PAIP2B: variants seen among roughly 807,000 people sequenced by gnomAD.
PAIP2B encodes polyadenylate-binding protein-interacting protein 2B.
Under a neutral mutation model 17.0 loss-of-function variants are expected in PAIP2B, and 13 were observed. The observed-to-expected ratio is 0.76, with a 90% confidence interval of 0.50 to 1.22. PAIP2B has a LOEUF of 1.22. PAIP2B is among the 50% of genes most tolerant of loss of function. The pLI, the probability that PAIP2B is intolerant of heterozygous loss-of-function variation, is 0.00. For synonymous variants in PAIP2B, 43 were observed against 48.7 expected (o/e 0.88, Z 0.48); for missense variants, 117 against 144.5 (o/e 0.81, Z 0.98).
Position 71,185,187 on chromosome 2 carries a change from A to G in PAIP2B, c.*3292T>C, listed in dbSNP as rs1674504899. ...TTACTTCCCAGCTTCTCCAAAATCA[A>G]AGCAATAGTAATAAACAATTTGGAA... On this transcript the variant is annotated 3_prime_UTR_variant, in exon 4 of 4. Coordinates refer to ENST00000244221, the MANE Select transcript of PAIP2B (RefSeq NM_020459.1). 1 of 152,266 alleles carries G rather than the reference A, an allele frequency of 6.6e-6. No homozygotes were observed. The highest frequency in any genetic ancestry group is 6.5e-5 in the Admixed American group (1 of 15,300). 9.4% of individuals were successfully genotyped at this position (152,266 alleles called of 1,614,324 possible).
chr2:71,197,592 T>A (rs935042419), intron 2 of PAIP2B, among the ~76,000 whole-genome samples: 4 of 152,212 alleles, frequency 2.6e-5, no homozygotes, highest in Non-Finnish European at 4.4e-5. Context: ...ATGGATGGTA[T>A]CCTTGTATTA....
At chr2:71,220,763 A>G (rs7608183) in intron 1 of PAIP2B, among the ~76,000 whole-genome samples, 22,315 of 152,212 alleles carry the variant, frequency 0.15, 1,892 homozygotes, top group South Asian at 0.3. Context: ...CTGGTATTAC[A>G]GGCGTGAGCC....
chr2:71,213,669 G>A (rs1675359710), intron 1 of PAIP2B, among the ~76,000 whole-genome samples: 2 of 152,084 alleles, frequency 1.3e-5, no homozygotes, highest in Admixed American at 1.3e-4. Flanking sequence ...TTTTTGGTGT[G>A]GAAACCACTC....
At chr2:71,216,873 C>T (rs907186893) in intron 1 of PAIP2B, among the ~76,000 whole-genome samples, 6 of 152,206 alleles carry the variant, frequency 3.9e-5, no homozygotes, top group African/African-American at 1.4e-4. Flanking sequence ...TCTCACCCTC[C>T]ATCCAATGTA....
intron 1 of PAIP2B, among the ~76,000 whole-genome samples, chr2:71,221,362 A>G (rs547505109): frequency 3.3e-5 from 5 of 152,220 alleles, no homozygotes; most frequent in Non-Finnish European, 7.3e-5. Flanking sequence ...TTCACCTGGA[A>G]AGCATTCCTA....
In PAIP2B at chr2:71,187,143, C is replaced by A. The variant is rs907674721; in HGVS notation, c.*1336G>T. 2 of 152,222 alleles carry A rather than the reference C, an allele frequency of 1.3e-5. No homozygotes were observed. Among genetic ancestry groups the A allele is most frequent in the African/African-American group, 4.8e-5 (2 of 41,430 alleles). The allele number at this position is 152,222 out of a possible 1,614,324, so 9.4% of individuals were successfully genotyped here. A position where few individuals can be genotyped will look rare whatever the true frequency, so the allele number is the denominator to read the frequency against. ...GAATGGCCTGGATGGCTCTCCTGTACCCCACACTGCCATCTACATCTCTAT... is the reference window on the plus strand; with the variant it reads ...GAATGGCCTGGATGGCTCTCCTGTAACCCACACTGCCATCTACATCTCTAT... On this transcript the variant is annotated 3_prime_UTR_variant, in exon 4 of 4. Transcript: ENST00000244221.
chr2:71,191,987 T>G (rs781624613), intron 2 of PAIP2B, among the ~76,000 whole-genome samples: 1 of 152,208 alleles, frequency 6.6e-6, no homozygotes, highest in African/African-American at 2.4e-5. Context: ...GAGTTCCCAT[T>G]TGAGGCATGC....
At chr2:71,226,506 C>A (rs899127980) in intron 1 of PAIP2B, among the ~76,000 whole-genome samples, 1 of 152,188 alleles carries the variant, frequency 6.6e-6, no homozygotes, top group African/African-American at 2.4e-5. Context: ...CAATCCCTCC[C>A]GCTCCAGCCC....
At chr2:71,215,408 T>C (rs1429966823) in intron 1 of PAIP2B, among the ~76,000 whole-genome samples, 1 of 152,220 alleles carries the variant, frequency 6.6e-6, no homozygotes, top group Non-Finnish European at 1.5e-5. Context: ...TGTCGTTTTC[T>C]AGAAAACAGT....
chr2:71,211,361 C>T (rs1420116616), intron 1 of PAIP2B, among the ~76,000 whole-genome samples: 1 of 152,100 alleles, frequency 6.6e-6, no homozygotes, highest in Admixed American at 6.6e-5. Flanking sequence ...AGTTTTTCCA[C>T]ATCCATACTT....
rs1675011713 is a variant in PAIP2B, at chr2:71,202,573, A to G, written c.17T>C (p.Met6Thr). The part of the protein sequence containing the change: MNGSN[M>T]ANTSPSVKSK... ...TTTTACACTCGGTGATGTATTTGCC[A>G]TATTGGATCCATTCATTATGATGGA... Residue 6 changes from methionine to threonine, a missense_variant, in exon 2 of 4, where the codon ATG becomes ACG. Physicochemically the swap from Met to Thr is moderately conservative, Grantham distance 81. Transcript: ENST00000244221. The G allele has an allele frequency of 6.2e-7, 1 of 1,613,306 alleles. No individual in the cohort carries two copies. The highest frequency in any genetic ancestry group is 8.5e-7 in the Non-Finnish European group (1 of 1,179,402).
chr2:71,203,099 C>A (rs1481796527), intron 1 of PAIP2B, among the ~76,000 whole-genome samples: 2 of 152,088 alleles, frequency 1.3e-5, no homozygotes, highest in Non-Finnish European at 2.9e-5. Flanking sequence ...CACCTGTTGT[C>A]CAGCCATCCA....
chr2:71,202,557 C>G lies in PAIP2B; in HGVS notation c.33G>C (p.Pro11=), dbSNP rs13001756. Residue 11 remains proline (P), a synonymous_variant, in exon 2 of 4, where the codon CCG becomes CCC. Coordinates refer to ENST00000244221, the MANE Select transcript of PAIP2B (RefSeq NM_020459.1). ...CCTGGTCCTCTTTGGATTTTACACT[C>G]GGTGATGTATTTGCCATATTGGATC... The part of the protein sequence containing the change: MNGSNMANTS[P]SVKSKEDQGL... The G allele has an allele frequency of 0.062, 100,378 of 1,612,936 alleles. 3,407 individuals carry two copies. Among genetic ancestry groups the G allele is most frequent in the African/African-American group, 0.094 (7,054 of 74,898 alleles).
rs146146071 is a variant in PAIP2B, at chr2:71,188,227, C to T, written c.*252G>A. ...GGGGGAAAATGCAATTTCCTTAACT[C>T]GAAAGAGCTATTTAAAAAAACAAAA... On this transcript the variant is annotated 3_prime_UTR_variant, in exon 4 of 4. Transcript: ENST00000244221. The T allele has an allele frequency of 2.8e-5, 14 of 502,066 alleles. No individual in the cohort carries two copies. In the East Asian group the frequency reaches 3.3e-4, roughly 12 times the overall value. The allele number at this position is 502,066 out of a possible 1,614,324, so 31.1% of individuals were successfully genotyped here.
At chr2:71,191,379 G>C (rs943825672) in intron 2 of PAIP2B, among the ~76,000 whole-genome samples, 2 of 152,160 alleles carry the variant, frequency 1.3e-5, no homozygotes, top group African/African-American at 4.8e-5. Flanking sequence ...GAGCTGCCCT[G>C]ACTCTATGAG....
intron 1 of PAIP2B, among the ~76,000 whole-genome samples, chr2:71,209,888 G>A (rs948510123): frequency 5.9e-5 from 9 of 151,466 alleles, no homozygotes; most frequent in Admixed American, 3.3e-4. Flanking sequence ...ACAGTGGCGC[G>A]ATCTCAGCTC....
chr2:71,224,108 T>A (rs1320898884), intron 1 of PAIP2B, among the ~76,000 whole-genome samples: 1 of 152,204 alleles, frequency 6.6e-6, no homozygotes, highest in African/African-American at 2.4e-5. Context: ...CATACAAAGA[T>A]GACCAGAGGA....
At chr2:71,194,202 C>A (rs372218913) in intron 2 of PAIP2B, among the ~76,000 whole-genome samples, 1 of 152,038 alleles carries the variant, frequency 6.6e-6, no homozygotes, top group Non-Finnish European at 1.5e-5. Flanking sequence ...GCTATTCGTG[C>A]ACTTTTTAGG....
rs193113123 is a variant in PAIP2B, at chr2:71,221,263, A to T, written c.-12+5665T>A. On this transcript the variant is annotated intron_variant, in intron 1 of 3. Transcript: ENST00000244221. ...TATTTGTTCTTTGTATTTTTAATAC[A>T]AACAGCACATAAGTAAACTTCACCA... is the stretch of plus-strand genomic sequence containing the variant. Among the ~76,000 whole-genome samples the T allele has an allele frequency of 7.5e-4, 114 of 152,374 alleles. 2 individuals are homozygous for T. The highest frequency in any genetic ancestry group is 1.1e-3 in the Admixed American group (17 of 15,314).
Sources: allele counts gnomAD v4.1 joint callset (sites outside exome capture counted in the v4.1 genomes callset), GRCh38; gene constraint gnomAD v4.1.1; transcripts MANE v1.5; gene names NCBI Gene and HGNC (gene_info 2026-07-23, HGNC 2026-07-21).